The following NOSIP variants were observed in gnomAD, a reference collection of about 807,000 sequenced individuals.
NOSIP encodes nitric oxide synthase interacting protein, also known as nitric oxide synthase-interacting protein.
In NOSIP, 25 loss-of-function variants were observed where a neutral mutation model predicts 36.4. That is an observed-to-expected ratio of 0.69 (90% CI 0.50 to 0.96). The LOEUF (loss-of-function observed/expected upper bound fraction) is 0.96. Ranked by LOEUF, NOSIP falls within the 40% of genes least tolerant of loss-of-function variation. The pLI, the probability that NOSIP is intolerant of heterozygous loss-of-function variation, is 0.00. For missense variants in NOSIP, 370 were observed against 429.0 expected, an observed-to-expected ratio of 0.86 and a Z score of 1.21; for synonymous variants, 187 against 179.2, an observed-to-expected ratio of 1.04 and a Z score of -0.35.
At position 49,560,248 on chromosome 19, in the gene NOSIP, AG is replaced by A. The variant is rs2080314316; in HGVS notation, c.71-210del. On this transcript the variant is annotated intron_variant, in intron 2 of 8. Coordinates refer to ENST00000596358, the MANE Select transcript of NOSIP (RefSeq NM_001270960.2). The surrounding 1 kb of genome is among the most constrained non-coding windows in gnomAD (Gnocchi z 4.6). The stretch of plus-strand genomic sequence containing the variant: ...CAACCCTGGAGGGTGAGAGGCAGAC[AG>A]GCCTGGTCACTGAGTGGCAGCTTGG... The A allele has an allele frequency of 1.7e-6, 1 of 584,430 alleles. No individual in the cohort carries two copies. Among genetic ancestry groups the A allele is most frequent in the Admixed American group, 3.0e-5 (1 of 32,852 alleles). 36.2% of individuals were successfully genotyped at this position (584,430 alleles called of 1,614,324 possible).
chr19:49,571,262 G>A (rs892455674), intron 1 of NOSIP, among the ~76,000 whole-genome samples: 5 of 151,168 alleles, frequency 3.3e-5, no homozygotes, highest in Admixed American at 1.3e-4. Flanking sequence ...CAAGGATTAC[G>A]GGCATGAACC....
In NOSIP at chr19:49,556,940, C is replaced by T. The variant is rs555883614; in HGVS notation, c.472G>A (p.Val158Met). The T allele has an allele frequency of 3.1e-6, 5 of 1,613,214 alleles. No individual in the cohort carries two copies. The East Asian group carries it at 8.9e-5, about 29-fold the overall frequency. The change falls in exon 6 of 9, where the codon GTG (valine) becomes ATG (methionine). Residue 158 changes from valine (V) to methionine (M), a missense_variant. Val to Met is a conservative substitution (Grantham distance 21). Around this residue, in one of 3 missense-constraint regions of NOSIP, gnomAD observed 315 missense variants for 331.9 expected, o/e 0.95. Coordinates refer to ENST00000596358, the MANE Select transcript of NOSIP (RefSeq NM_001270960.2). ...GACGGGATCCAGAAGCTGGGCAGCA[C>T]TTTGTCCTTGTCCTTACTTGGAGGA... ...VGPPSKDKDK[V>M]LPSFWIPSLT... is the part of the protein sequence containing the mutation.
intron 1 of NOSIP, among the ~76,000 whole-genome samples, chr19:49,570,735 G>A (rs2080473376): frequency 1.3e-5 from 2 of 151,872 alleles, no homozygotes; most frequent in South Asian, 4.2e-4. Flanking sequence ...CCGCTCCCCA[G>A]CCCCCACAAC....
chr19:49,567,760 CTCCTGTG>C (rs756689789), intron 1 of NOSIP, among the ~76,000 whole-genome samples: 3 of 152,104 alleles, frequency 2.0e-5, no homozygotes, highest in Non-Finnish European at 4.4e-5. Context: ...ACCTCTCTGC[CTCCTGTG>C]TTCAAGCGAT....
At chr19:49,558,829 G>T in intron 4 of NOSIP, 68 bp downstream of exon 4, 1 of 1,252,152 alleles carries the variant, frequency 8.0e-7, no homozygotes, top group Non-Finnish European at 1.2e-6. Flanking sequence ...GCTCTGAGTG[G>T]CTCTGCCTGT....
rs548885685 is a variant in NOSIP, at chr19:49,559,880, G to A, written c.176+54C>T. 4.5e-6 allele frequency: 6 copies of A among 1,346,280 alleles called. No homozygotes were observed. The African/African-American group carries it at 8.7e-5, about 19-fold the overall frequency. 83.4% of individuals were successfully genotyped at this position (1,346,280 alleles called of 1,614,324 possible). ...AGACCCACGCACACAGCCTCCTCCT[G>A]GCGGTTCCCTTGCTCTCCCCACCCA... On this transcript the variant is annotated intron_variant, in intron 3 of 8. Coordinates refer to ENST00000596358, the MANE Select transcript of NOSIP (RefSeq NM_001270960.2).
Position 49,560,263 on chromosome 19 carries a change from G to A in NOSIP, c.71-224C>T. The A allele has an allele frequency of 5.2e-6, 3 of 581,422 alleles. No individual in the cohort carries two copies. The highest frequency in any genetic ancestry group is 9.2e-6 in the Non-Finnish European group (3 of 325,580). 36.0% of individuals were successfully genotyped at this position (581,422 alleles called of 1,614,324 possible). The stretch of plus-strand genomic sequence containing the variant: ...AGAGGCAGACAGGCCTGGTCACTGA[G>A]TGGCAGCTTGGTGGAGGGGCTGACG... On this transcript the variant is annotated intron_variant, in intron 2 of 8. Transcript: ENST00000596358. This position sits in a 1 kb window ranked among gnomAD's most constrained non-coding sequence, Gnocchi z 4.6.
At chr19:49,565,028 C>T (rs1267842248) in intron 1 of NOSIP, among the ~76,000 whole-genome samples, 2 of 152,144 alleles carry the variant, frequency 1.3e-5, no homozygotes, top group Admixed American at 1.3e-4. Flanking sequence ...GTAATATGAA[C>T]ACTTGGGGAG....
At chr19:49,576,818 A>T (rs1023648689) in intron 1 of NOSIP, among the ~76,000 whole-genome samples, 3 of 147,394 alleles carry the variant, frequency 2.0e-5, no homozygotes, top group African/African-American at 7.5e-5. Flanking sequence ...TGGGAGGCGA[A>T]GGTCGTGATG....
At position 49,560,142 on chromosome 19, in the gene NOSIP, G is replaced by T. The variant is rs2080312729; in HGVS notation, c.71-103C>A. The T allele has an allele frequency of 4.0e-6, 3 of 745,310 alleles. No homozygotes were observed. The highest frequency in any genetic ancestry group is 6.7e-6 in the Non-Finnish European group (3 of 446,916). The allele number at this position is 745,310 out of a possible 1,614,324, so 46.2% of individuals were successfully genotyped here. On this transcript the variant is annotated intron_variant, in intron 2 of 8. Transcript: ENST00000596358. The surrounding 1 kb of genome is among the most constrained non-coding windows in gnomAD (Gnocchi z 4.6). The stretch of plus-strand genomic sequence containing the variant: ...GCACAGAGACAACGCGGTGGTGGGG[G>T]TGGGGGACTCAGAGAGAAACAGGCA...
rs756346141 is a variant in NOSIP, at chr19:49,560,069, G to A, written c.71-30C>T. 30 of 1,486,626 alleles carry A rather than the reference G, an allele frequency of 2.0e-5. No homozygotes were observed. The highest frequency in any genetic ancestry group is 3.5e-5 in the Admixed American group (2 of 57,800). The allele number at this position is 1,486,626 out of a possible 1,614,324, so 92.1% of individuals were successfully genotyped here. Reference sequence around the variant, plus strand: ...GGACAGAGATGGGCAGAGTGATGGAGGGGCGGAGCAACAGGAGACATGTCC... The same window carrying A: ...GGACAGAGATGGGCAGAGTGATGGAAGGGCGGAGCAACAGGAGACATGTCC... On this transcript the variant is annotated intron_variant, in intron 2 of 8. Coordinates refer to ENST00000596358, the MANE Select transcript of NOSIP (RefSeq NM_001270960.2). This position sits in a 1 kb window ranked among gnomAD's most constrained non-coding sequence, Gnocchi z 4.6.
At chr19:49,578,549 T>C (rs1381911370) in intron 1 of NOSIP, among the ~76,000 whole-genome samples, 1 of 152,010 alleles carries the variant, frequency 6.6e-6, no homozygotes, top group Non-Finnish European at 1.5e-5. Flanking sequence ...ACCTGTAATC[T>C]AAGCACAGCA....
rs58136999 is a variant in NOSIP, at chr19:49,576,136, T to TA, written c.-2+4378dup. Among the ~76,000 whole-genome samples, 61 of 149,024 alleles carry TA rather than the reference T, an allele frequency of 4.1e-4. 1 individual carries two copies. The South Asian group carries it at 6.4e-3, about 16-fold the overall frequency. The stretch of plus-strand genomic sequence containing the variant: ...AGCGACAGAGCGAGACTCCATCTTA[T>TA]AAAAAAAAAATGTTAAAAACCATTT... On this transcript the variant is annotated intron_variant, in intron 1 of 8. Coordinates refer to ENST00000596358, the MANE Select transcript of NOSIP (RefSeq NM_001270960.2).
At chr19:49,575,933 C>T (rs999430804) in intron 1 of NOSIP, among the ~76,000 whole-genome samples, 16 of 152,034 alleles carry the variant, frequency 1.1e-4, no homozygotes, top group Non-Finnish European at 2.1e-4. Flanking sequence ...AGATTGAGAC[C>T]ATCCTGACTA....
At chr19:49,567,185 C>T (rs572723644) in intron 1 of NOSIP, among the ~76,000 whole-genome samples, 4 of 144,564 alleles carry the variant, frequency 2.8e-5, no homozygotes, top group Non-Finnish European at 4.5e-5. Flanking sequence ...TGCAGTGGCG[C>T]GATCTCGGCT....
chr19:49,560,005 C>G lies in NOSIP; in HGVS notation c.105G>C (p.Leu35=). 6.2e-7 allele frequency: 1 copy of G among 1,613,934 alleles called. No individual in the cohort carries two copies. Among genetic ancestry groups the G allele is most frequent in the East Asian group, 2.2e-5 (1 of 44,868 alleles). ...CGAAGTCCTTCACGGCATCCCGGCT[C>G]AGTCGAATGTTCTGGGTCCCATAGC... The part of the protein sequence containing the change: ...ASGYGTQNIR[L]SRDAVKDFDC... Residue 35 remains leucine, a synonymous_variant, in exon 3 of 9, where the codon CTG becomes CTC. Transcript: ENST00000596358. The surrounding 1 kb of genome is among the most constrained non-coding windows in gnomAD (Gnocchi z 4.6).
intron 1 of NOSIP, among the ~76,000 whole-genome samples, chr19:49,578,905 G>A (rs867894958): frequency 6.6e-6 from 1 of 151,754 alleles, no homozygotes; most frequent in Admixed American, 6.6e-5. Context: ...TTACAGGCAT[G>A]AGCCACTGTG....
At chr19:49,564,468 A>T (rs550765873) in intron 1 of NOSIP, among the ~76,000 whole-genome samples, 7 of 151,250 alleles carry the variant, frequency 4.6e-5, no homozygotes, top group African/African-American at 1.7e-4. Flanking sequence ...AAAAAAAAAA[A>T]AAAAAAAACA....
At chr19:49,557,692 A>G in intron 4 of NOSIP, 1 of 1,002,776 alleles carries the variant, frequency 1.0e-6, no homozygotes, top group Non-Finnish European at 1.2e-6. Flanking sequence ...CGGGGGATGT[A>G]GACTTCAGAT....
Sources: gnomAD v4.1 joint callset for allele counts (sites outside exome capture counted in the v4.1 genomes callset) on GRCh38, gnomAD v4.1.1 for gene constraint, gnomAD v4.1.1 regional missense constraint, Gnocchi (gnomAD v3.1) non-coding constraint, MANE v1.5 for transcripts, NCBI Gene and HGNC (gene_info 2026-07-23, HGNC 2026-07-21) for gene names.